The following LPGAT1 variants were observed in gnomAD, a reference collection of about 807,000 sequenced individuals.
LPGAT1 encodes the protein acyl-CoA:lysophosphatidylglycerol acyltransferase 1.
In LPGAT1, 11 loss-of-function variants were observed where a neutral mutation model predicts 47.5. That is an observed-to-expected ratio of 0.23 (90% CI 0.15 to 0.38). LPGAT1 has a LOEUF of 0.38. LPGAT1 is among the 10% of genes least tolerant of loss of function. LPGAT1 has a pLI of 1.00. For synonymous variants in LPGAT1, 138 were observed against 144.2 expected, an observed-to-expected ratio of 0.96 and a Z score of 0.31; for missense variants, 293 against 439.0, an observed-to-expected ratio of 0.67 and a Z score of 2.97.
In LPGAT1 at chr1:211,830,458, C is replaced by G. The variant is rs1427857203; in HGVS notation, c.-28+115G>C. On this transcript the variant is annotated intron_variant, in intron 1 of 7. Coordinates refer to ENST00000366997, the MANE Select transcript of LPGAT1 (RefSeq NM_014873.3). This position sits in a 1 kb window ranked among gnomAD's most constrained non-coding sequence, Gnocchi z 5.9. Reference sequence around the variant, plus strand: ...CCTACCGCGCCCTCGTCCCTCAGGCCGCTGCCGCCTCCCCGGGCCACGCGA... The same window carrying G: ...CCTACCGCGCCCTCGTCCCTCAGGCGGCTGCCGCCTCCCCGGGCCACGCGA... 8.5e-7 allele frequency: 1 copy of G among 1,181,328 alleles called. No individual in the cohort carries two copies. Among genetic ancestry groups the G allele is most frequent in the African/African-American group, 1.6e-5 (1 of 62,428 alleles). 73.2% of individuals were successfully genotyped at this position (1,181,328 alleles called of 1,614,324 possible).
intron 6 of LPGAT1, among the ~76,000 whole-genome samples, chr1:211,767,946 CTTAGAG>C (rs1190756068): frequency 1.3e-5 from 2 of 152,102 alleles, no homozygotes; most frequent in Non-Finnish European, 2.9e-5. Flanking sequence ...GGGTGTATAC[CTTAGAG>C]TTACTCTCAG....
At chr1:211,775,927 A>G (rs1345589413) in intron 6 of LPGAT1, among the ~76,000 whole-genome samples, 1 of 141,580 alleles carries the variant, frequency 7.1e-6, no homozygotes, top group Non-Finnish European at 1.6e-5. Context: ...GCAAAATGCC[A>G]TCTCAAAAAA....
chr1:211,746,781 C>T lies in LPGAT1; in HGVS notation c.*3118G>A, dbSNP rs1488800763. On this transcript the variant is annotated 3_prime_UTR_variant, in exon 8 of 8. Transcript: ENST00000366997. The stretch of plus-strand genomic sequence containing the variant: ...TTTTCCATTCTGTAATTTTTCTTTA[C>T]CTTCCATTACTTACAGGTTTCTCTG... 2.6e-4 allele frequency: 40 copies of T among 152,106 alleles called. 1 individual carries two copies. The highest frequency in any genetic ancestry group is 2.9e-5 in the Non-Finnish European group (2 of 68,018). 9.4% of individuals were successfully genotyped at this position (152,106 alleles called of 1,614,324 possible). A position where few individuals can be genotyped will look rare whatever the true frequency, so the allele number is the denominator to read the frequency against.
intron 5 of LPGAT1, among the ~76,000 whole-genome samples, chr1:211,782,493 G>A (rs183299716): frequency 6.6e-6 from 1 of 152,226 alleles, no homozygotes; most frequent in East Asian, 1.9e-4. Context: ...CAGCACTCTG[G>A]GAGGCCAAGG....
intron 6 of LPGAT1, among the ~76,000 whole-genome samples, chr1:211,768,243 T>A (rs1261572643): frequency 6.6e-6 from 1 of 152,252 alleles, no homozygotes; most frequent in African/African-American, 2.4e-5. Flanking sequence ...ATTAAATTTT[T>A]ATACCTACCA....
chr1:211,823,167 G>C (rs1241625613), intron 2 of LPGAT1, among the ~76,000 whole-genome samples: 2 of 152,174 alleles, frequency 1.3e-5, no homozygotes, highest in Non-Finnish European at 2.9e-5. Flanking sequence ...CATCAATCCA[G>C]TTAATGCTTC....
intron 2 of LPGAT1, among the ~76,000 whole-genome samples, chr1:211,798,828 G>T (rs1375141598): frequency 6.6e-6 from 1 of 152,232 alleles, no homozygotes; most frequent in African/African-American, 2.4e-5. Flanking sequence ...TCCAAGGGAG[G>T]GTGTTAGTTC....
intron 2 of LPGAT1, among the ~76,000 whole-genome samples, chr1:211,812,107 G>GC: frequency 6.6e-6 from 1 of 152,242 alleles, no homozygotes; most frequent in Non-Finnish European, 1.5e-5. Flanking sequence ...AAACGGCCTG[G>GC]CACAGCAGAT....
intron 2 of LPGAT1, 115 bp from the exon 3 acceptor site, chr1:211,793,305 T>C (rs563056337): frequency 1.7e-6 from 1 of 584,116 alleles, no homozygotes; most frequent in East Asian, 3.2e-5. Context: ...AGCTAAAACA[T>C]CCGAAAGTTT....
intron 6 of LPGAT1, among the ~76,000 whole-genome samples, chr1:211,752,871 G>C (rs1004917617): frequency 6.6e-6 from 1 of 151,216 alleles, no homozygotes; most frequent in Non-Finnish European, 1.5e-5. Context: ...CATATTTCTT[G>C]AATCTTGTTA....
intron 2 of LPGAT1, among the ~76,000 whole-genome samples, chr1:211,801,402 AT>A (rs1383470871): frequency 3.3e-5 from 5 of 152,092 alleles, no homozygotes; most frequent in African/African-American, 1.2e-4. Flanking sequence ...TTTCTCTTCA[AT>A]TTATTACCCT....
chr1:211,765,161 C>T (rs1657855260), intron 6 of LPGAT1, among the ~76,000 whole-genome samples: 1 of 152,096 alleles, frequency 6.6e-6, no homozygotes, highest in South Asian at 2.1e-4. Context: ...ATGTGTCTAA[C>T]GATGTTTTTA....
At chr1:211,797,247 C>G (rs1490419004) in intron 2 of LPGAT1, among the ~76,000 whole-genome samples, 1 of 151,622 alleles carries the variant, frequency 6.6e-6, no homozygotes, top group Non-Finnish European at 1.5e-5. Flanking sequence ...CAAAGCGAGA[C>G]TCTGTCTCAA....
intron 2 of LPGAT1, among the ~76,000 whole-genome samples, chr1:211,820,129 G>A (rs1660319583): frequency 6.6e-6 from 1 of 152,064 alleles, no homozygotes; most frequent in African/African-American, 2.4e-5. Context: ...TTTTAGAGAG[G>A]CAGAAGACTT....
intron 4 of LPGAT1, among the ~76,000 whole-genome samples, chr1:211,784,961 A>G (rs6693961): frequency 0.019 from 2,924 of 151,280 alleles, 81 homozygotes; most frequent in African/African-American, 0.062. Flanking sequence ...CTGCCACCAC[A>G]CCCGGCTAAT....
intron 2 of LPGAT1, among the ~76,000 whole-genome samples, chr1:211,805,710 T>C: frequency 6.6e-6 from 1 of 152,250 alleles, no homozygotes; most frequent in East Asian, 1.9e-4. Context: ...ATACTCTACC[T>C]GACATTTCAA....
chr1:211,811,636 A>ACTCAG (rs1659991809), intron 2 of LPGAT1, among the ~76,000 whole-genome samples: 1 of 152,204 alleles, frequency 6.6e-6, no homozygotes, highest in Non-Finnish European at 1.5e-5. Flanking sequence ...GTGCACCTGT[A>ACTCAG]GTCCCAGCTA....
chr1:211,802,194 G>A (rs1383347258), intron 2 of LPGAT1, among the ~76,000 whole-genome samples: 1 of 151,716 alleles, frequency 6.6e-6, no homozygotes, highest in East Asian at 1.9e-4. Flanking sequence ...AGCCCCCTGT[G>A]CCACATAAAA....
intron 6 of LPGAT1, among the ~76,000 whole-genome samples, chr1:211,776,557 G>T (rs1658409290): frequency 6.6e-6 from 1 of 151,968 alleles, no homozygotes; most frequent in South Asian, 2.1e-4. Context: ...GTACTGACTT[G>T]CCCAGCTATA....
Sources: gnomAD v4.1 joint callset for allele counts (sites outside exome capture counted in the v4.1 genomes callset) on GRCh38, gnomAD v4.1.1 for gene constraint, Gnocchi (gnomAD v3.1) non-coding constraint, MANE v1.5 for transcripts, NCBI Gene and HGNC (gene_info 2026-07-23, HGNC 2026-07-21) for gene names.